Variants in PRKG1 observed in about 807,000 individuals in gnomAD.
PRKG1 encodes cGMP-dependent protein kinase 1.
Under a neutral mutation model 88.1 loss-of-function variants are expected in PRKG1, and 35 were observed. That is an observed-to-expected ratio of 0.40 (90% confidence interval 0.30 to 0.53). The LOEUF is 0.53. Among genes scored for constraint, PRKG1 ranks in the 20% least tolerant of loss-of-function variants. The pLI is 0.59. For missense variants in PRKG1, 540 were observed against 839.8 expected (o/e 0.64, Z 4.41); for synonymous variants, 303 against 292.5 (o/e 1.04, Z -0.37).
intron 7 of PRKG1, among the ~76,000 whole-genome samples, chr10:52,124,950 A>G (rs1249834689): frequency 1.3e-5 from 2 of 152,154 alleles, no homozygotes; most frequent in Admixed American, 6.5e-5. Flanking sequence ...ACACACATGG[A>G]GCTGTTATCT....
At chr10:51,004,445 G>C (rs1842920951) in intron 1 of PRKG1, among the ~76,000 whole-genome samples, 1 of 152,072 alleles carries the variant, frequency 6.6e-6, no homozygotes, top group African/African-American at 2.4e-5. Flanking sequence ...GGCAACAAGA[G>C]AGAAACTCTG....
At chr10:51,918,098 T>C (rs1842382751) in intron 5 of PRKG1, among the ~76,000 whole-genome samples, 1 of 152,218 alleles carries the variant, frequency 6.6e-6, no homozygotes, top group Non-Finnish European at 1.5e-5. Context: ...ATAGTACTAT[T>C]CTTATTATTC....
At chr10:51,852,375 TAGAG>T (rs144635661) in intron 4 of PRKG1, among the ~76,000 whole-genome samples, 16 of 143,886 alleles carry the variant, frequency 1.1e-4, no homozygotes, top group South Asian at 4.5e-4. Context: ...CACACACACA[TAGAG>T]AGAGAGAGAG....
intron 3 of PRKG1, among the ~76,000 whole-genome samples, chr10:51,708,553 C>T (rs1252947969): frequency 6.6e-6 from 1 of 152,170 alleles, no homozygotes; most frequent in Non-Finnish European, 1.5e-5. Context: ...TTCGCTGCAT[C>T]TCTTTGTACA....
intron 3 of PRKG1, among the ~76,000 whole-genome samples, chr10:51,652,539 C>T (rs1033956508): frequency 1.3e-5 from 2 of 152,122 alleles, no homozygotes; most frequent in African/African-American, 2.4e-5. Flanking sequence ...TAGCAAAGCA[C>T]TTCTCATGTC....
chr10:51,879,841 G>A (rs940312078), intron 4 of PRKG1, among the ~76,000 whole-genome samples: 8 of 152,174 alleles, frequency 5.3e-5, no homozygotes, highest in East Asian at 3.9e-4. Context: ...TCCGATTGAT[G>A]TTACTCAGTG....
At chr10:51,542,114 A>G (rs1022529671) in intron 3 of PRKG1, among the ~76,000 whole-genome samples, 1 of 152,068 alleles carries the variant, frequency 6.6e-6, no homozygotes, top group African/African-American at 2.4e-5. Context: ...GTGAGATCTG[A>G]CCTACCGAGA....
At position 52,117,535 on chromosome 10, in the gene PRKG1, C is replaced by A. The variant is rs1285084766; in HGVS notation, c.936-16305C>A. ...GAATGAACAGCAGCTAATAACCACA[C>A]AGTCAACACACAGCCCTTCAGAAAG... On this transcript the variant is annotated intron_variant, in intron 7 of 17. Coordinates refer to ENST00000373980, the MANE Select transcript of PRKG1 (RefSeq NM_006258.4). 2.0e-5 allele frequency among the ~76,000 whole-genome samples: 3 copies of A among 152,094 alleles called. No individual in the cohort carries two copies. In the East Asian group the frequency reaches 5.8e-4, roughly 29 times the overall value.
chr10:51,503,309 T>C lies in PRKG1; in HGVS notation c.592+35473T>C, dbSNP rs114861624. Among the ~76,000 whole-genome samples the C allele has an allele frequency of 7.2e-3, 1,098 of 152,228 alleles. 11 individuals are homozygous for C. The highest frequency in any genetic ancestry group is 0.025 in the African/African-American group (1,034 of 41,560). On this transcript the variant is annotated intron_variant, in intron 3 of 17. Transcript: ENST00000373980. Reference sequence around the variant, plus strand: ...AGAAGATGAAGGAAACATTTTCTTATAAATTAAAGACAAAATACCTCCCCT... The same window carrying C: ...AGAAGATGAAGGAAACATTTTCTTACAAATTAAAGACAAAATACCTCCCCT...
chr10:51,001,047 A>G (rs1589099689), intron 1 of PRKG1, among the ~76,000 whole-genome samples: 1 of 152,312 alleles, frequency 6.6e-6, no homozygotes, highest in East Asian at 1.9e-4. Context: ...TGCTTTGAGG[A>G]TAAGTCATTC....
intron 8 of PRKG1, among the ~76,000 whole-genome samples, chr10:52,157,260 G>GTA (rs1381374157): frequency 6.3e-5 from 9 of 142,358 alleles, no homozygotes; most frequent in Admixed American, 4.3e-4. Context: ...TATATGTTGT[G>GTA]TATATATACA....
At chr10:51,436,204 A>G (rs913846555) in intron 2 of PRKG1, among the ~76,000 whole-genome samples, 1 of 150,070 alleles carries the variant, frequency 6.7e-6, no homozygotes, top group Non-Finnish European at 1.5e-5. Context: ...ATAGTTCCTG[A>G]CATATGGCAA....
intron 5 of PRKG1, among the ~76,000 whole-genome samples, chr10:51,936,188 G>A (rs969666809): frequency 2.6e-5 from 4 of 151,834 alleles, no homozygotes; most frequent in Non-Finnish European, 4.4e-5. Context: ...TGGGCTGGGG[G>A]TTAGGTGCCT....
At chr10:51,990,138 A>C (rs1844266017) in intron 5 of PRKG1, among the ~76,000 whole-genome samples, 1 of 152,078 alleles carries the variant, frequency 6.6e-6, no homozygotes, top group Non-Finnish European at 1.5e-5. Flanking sequence ...ATTTGCCCTA[A>C]ATGCATAAAT....
At chr10:52,166,503 G>A (rs1237352839) in intron 9 of PRKG1, among the ~76,000 whole-genome samples, 5 of 140,116 alleles carry the variant, frequency 3.6e-5, no homozygotes, top group African/African-American at 5.3e-5. Flanking sequence ...GCAGGATCTC[G>A]GCTCACTGCA....
intron 7 of PRKG1, among the ~76,000 whole-genome samples, chr10:52,075,389 G>A (rs1286436551): frequency 6.6e-6 from 1 of 152,118 alleles, no homozygotes; most frequent in Non-Finnish European, 1.5e-5. Flanking sequence ...AAATTGACAA[G>A]ATGATTTTAA....
chr10:51,196,287 G>T (rs1416982915), intron 2 of PRKG1, among the ~76,000 whole-genome samples: 1 of 152,116 alleles, frequency 6.6e-6, no homozygotes, highest in Non-Finnish European at 1.5e-5. Flanking sequence ...GGGAAGAATT[G>T]CATGTATTTG....
intron 2 of PRKG1, among the ~76,000 whole-genome samples, chr10:51,350,908 C>T (rs960343214): frequency 2.6e-5 from 4 of 152,156 alleles, no homozygotes; most frequent in Non-Finnish European, 4.4e-5. Flanking sequence ...AATGCTATCC[C>T]TCCCCTAGCC....
intron 3 of PRKG1, among the ~76,000 whole-genome samples, chr10:51,651,707 C>T (rs1840043341): frequency 1.3e-5 from 2 of 151,976 alleles, no homozygotes; most frequent in South Asian, 4.2e-4. Context: ...CCTCAGCCTC[C>T]CGAGTAGCTG....
Sources: allele counts gnomAD v4.1 joint callset (sites outside exome capture counted in the v4.1 genomes callset), GRCh38; gene constraint gnomAD v4.1.1; transcripts MANE v1.5; gene names NCBI Gene and HGNC (gene_info 2026-07-23, HGNC 2026-07-21).